AKAIN1: variants seen among roughly 807,000 people sequenced by gnomAD.
AKAIN1 encodes A-kinase anchor protein inhibitor 1.
A neutral mutation model predicts 3.7 loss-of-function variants in AKAIN1; 3 were observed. That is an observed-to-expected ratio of 0.82 (90% CI 0.37 to 2.12). AKAIN1 has a LOEUF of 2.12. AKAIN1 is among the 30% of genes most tolerant of loss of function. The pLI, the probability that AKAIN1 is intolerant of heterozygous loss-of-function variation, is 0.06. For missense variants in AKAIN1, 82 were observed against 82.7 expected (o/e 0.99, Z 0.03); for synonymous variants, 31 against 30.8 (o/e 1.01, Z -0.02).
At chr18:5,169,869 T>C (rs1444821041) in intron 1 of AKAIN1, among the ~76,000 whole-genome samples, 1 of 152,168 alleles carries the variant, frequency 6.6e-6, no homozygotes, top group Non-Finnish European at 1.5e-5. Context: ...CCTGCTTATG[T>C]AAACTACCTA....
chr18:5,148,451 A>T (rs534088442), intron 1 of AKAIN1, among the ~76,000 whole-genome samples: 6 of 152,342 alleles, frequency 3.9e-5, no homozygotes, highest in African/African-American at 1.4e-4. Context: ...AAGGTTGCAA[A>T]CATCACTCTT....
rs1567873022 is a variant in AKAIN1 at position 5,158,491 on chromosome 18, A to G, written c.17-12736T>C. Among the ~76,000 whole-genome samples the G allele has an allele frequency of 2.6e-5, 4 of 152,188 alleles. No individual in the cohort carries two copies. The East Asian group carries it at 7.7e-4, about 29-fold the overall frequency. Reference sequence around the variant, plus strand: ...ATGTTACACCCAGTTCATCTCTGCCATCTCCTAGCTTCTTGTTTTCTCCCT... The same window carrying G: ...ATGTTACACCCAGTTCATCTCTGCCGTCTCCTAGCTTCTTGTTTTCTCCCT... On this transcript the variant is annotated intron_variant, in intron 1 of 1. Transcript: ENST00000434239.
intron 1 of AKAIN1, among the ~76,000 whole-genome samples, chr18:5,180,880 C>G (rs943410512): frequency 6.6e-6 from 1 of 152,034 alleles, no homozygotes; most frequent in Non-Finnish European, 1.5e-5. Context: ...TTCCATAGAG[C>G]CCTCCTGTCT....
chr18:5,196,003 A>G lies in AKAIN1; in HGVS notation c.16+1035T>C, dbSNP rs143493459. ...AAGTTTTGCTAATTGAATTTTTTGA[A>G]GAAAAGACTCAATTCTTCCCTTTAA... is the stretch of plus-strand genomic sequence containing the variant. On this transcript the variant is annotated intron_variant, in intron 1 of 1. Transcript: ENST00000434239. Among the ~76,000 whole-genome samples the G allele has an allele frequency of 6.6e-5, 10 of 152,120 alleles. No individual in the cohort carries two copies. In the East Asian group the frequency reaches 1.5e-3, roughly 24 times the overall value.
At chr18:5,148,868 A>G in intron 1 of AKAIN1, among the ~76,000 whole-genome samples, 1 of 152,212 alleles carries the variant, frequency 6.6e-6, no homozygotes, top group Non-Finnish European at 1.5e-5. Flanking sequence ...AAAAAAAGAA[A>G]AAAAGTAAAA....
At chr18:5,156,304 C>T (rs1356264272) in intron 1 of AKAIN1, among the ~76,000 whole-genome samples, 2 of 152,076 alleles carry the variant, frequency 1.3e-5, no homozygotes, top group South Asian at 4.1e-4. Context: ...AAATAAACAG[C>T]GCAATCTTCA....
At chr18:5,155,609 T>C (rs2071103574) in intron 1 of AKAIN1, among the ~76,000 whole-genome samples, 1 of 152,158 alleles carries the variant, frequency 6.6e-6, no homozygotes, top group South Asian at 2.1e-4. Flanking sequence ...AACCGCGTCA[T>C]TCTTCAGCTG....
At chr18:5,191,342 A>G (rs947788775) in intron 1 of AKAIN1, among the ~76,000 whole-genome samples, 1 of 152,202 alleles carries the variant, frequency 6.6e-6, no homozygotes, top group Non-Finnish European at 1.5e-5. Context: ...TGAACCATAC[A>G]TAGTATAAAC....
intron 1 of AKAIN1, among the ~76,000 whole-genome samples, chr18:5,178,703 A>C (rs762221075): frequency 1.4e-4 from 21 of 152,118 alleles, no homozygotes; most frequent in Non-Finnish European, 2.8e-4. Flanking sequence ...TTAGATCTGA[A>C]CTTCTCAACC....
At chr18:5,161,594 T>G (rs1214212725) in intron 1 of AKAIN1, among the ~76,000 whole-genome samples, 2 of 152,142 alleles carry the variant, frequency 1.3e-5, no homozygotes, top group African/African-American at 2.4e-5. Context: ...GGTGTTCCTA[T>G]CTTGTTCTTA....
intron 1 of AKAIN1, among the ~76,000 whole-genome samples, chr18:5,146,660 C>T (rs1396095439): frequency 6.6e-6 from 1 of 152,160 alleles, no homozygotes; most frequent in Non-Finnish European, 1.5e-5. Flanking sequence ...TGCCCCCCTC[C>T]CCGCCTGGTG....
chr18:5,191,768 AG>A (rs1362270351), intron 1 of AKAIN1, among the ~76,000 whole-genome samples: 1 of 152,198 alleles, frequency 6.6e-6, no homozygotes, highest in Non-Finnish European at 1.5e-5. Flanking sequence ...CAAAATGCTA[AG>A]GGCAAGAAGC....
intron 1 of AKAIN1, among the ~76,000 whole-genome samples, chr18:5,164,375 G>A (rs754111979): frequency 3.9e-5 from 6 of 152,004 alleles, no homozygotes; most frequent in Non-Finnish European, 8.8e-5. Context: ...CATAACTTAG[G>A]ACCACAGGTG....
At chr18:5,164,101 C>A (rs185528713) in intron 1 of AKAIN1, among the ~76,000 whole-genome samples, 1 of 151,960 alleles carries the variant, frequency 6.6e-6, no homozygotes, top group East Asian at 1.9e-4. Context: ...TATTCTCTAA[C>A]CATGTGCAAA....
intron 1 of AKAIN1, among the ~76,000 whole-genome samples, chr18:5,185,215 T>C (rs759048324): frequency 3.9e-5 from 6 of 152,066 alleles, no homozygotes; most frequent in Admixed American, 6.6e-5. Flanking sequence ...TAAAGACTTA[T>C]ATGTAAAACT....
chr18:5,156,518 T>C (rs1348529622), intron 1 of AKAIN1, among the ~76,000 whole-genome samples: 2 of 152,186 alleles, frequency 1.3e-5, no homozygotes, highest in African/African-American at 2.4e-5. Flanking sequence ...CTACTCTCCT[T>C]GAAAGAACAG....
chr18:5,164,472 C>A (rs1273068202), intron 1 of AKAIN1, among the ~76,000 whole-genome samples: 7 of 151,984 alleles, frequency 4.6e-5, no homozygotes, highest in African/African-American at 1.5e-4. Flanking sequence ...AGAAAAGCAA[C>A]TAAAACATGT....
chr18:5,143,608 A>G lies in AKAIN1; in HGVS notation c.*1954T>C, dbSNP rs1441739918. ...GTTTGAAAATAGCCTTGGAAGTCTCATGGTTCCAAATAATGGTAAGATCCA... is the reference window on the plus strand; with the variant it reads ...GTTTGAAAATAGCCTTGGAAGTCTCGTGGTTCCAAATAATGGTAAGATCCA... On this transcript the variant is annotated 3_prime_UTR_variant, in exon 2 of 2. Transcript: ENST00000434239. 6.6e-6 allele frequency among the ~76,000 whole-genome samples: 1 copy of G among 152,222 alleles called. No individual in the cohort carries two copies. The highest frequency in any genetic ancestry group is 2.4e-5 in the African/African-American group (1 of 41,458).
rs188796867 is a variant in AKAIN1, at chr18:5,159,917, A to T, written c.17-14162T>A. ...TTCTTTAATATTTTGTCACAAATTTATATTGTTGTCTGTATCTTTGGTTTG... is the reference window on the plus strand; with the variant it reads ...TTCTTTAATATTTTGTCACAAATTTTTATTGTTGTCTGTATCTTTGGTTTG... On this transcript the variant is annotated intron_variant, in intron 1 of 1. Coordinates refer to ENST00000434239, the MANE Select transcript of AKAIN1 (RefSeq NM_001145194.2). 8.7e-3 allele frequency among the ~76,000 whole-genome samples: 1,331 copies of T among 152,316 alleles called. 14 individuals carry two copies. Among genetic ancestry groups the T allele is most frequent in the Middle Eastern group, 0.034 (10 of 294 alleles).
Sources: gnomAD v4.1 joint callset for allele counts (sites outside exome capture counted in the v4.1 genomes callset) on GRCh38, gnomAD v4.1.1 for gene constraint, MANE v1.5 for transcripts, NCBI Gene and HGNC (gene_info 2026-07-23, HGNC 2026-07-21) for gene names.